The following YARS1 variants were observed in gnomAD, a reference collection of about 807,000 sequenced individuals.
YARS1 encodes the protein tyrosyl-tRNA synthetase 1.
In YARS1, 36 loss-of-function variants were observed where a neutral mutation model predicts 62.2. That is an observed-to-expected ratio of 0.58 (90% CI 0.44 to 0.76). The LOEUF (loss-of-function observed/expected upper bound fraction) is 0.76, where lower values mean the gene tolerates loss of function less well. Ranked by LOEUF, YARS1 falls within the 30% of genes least tolerant of loss-of-function variation. The probability of loss-of-function intolerance (pLI) is 0.00; values close to 1 mark genes in which losing one functional copy is unlikely to be tolerated. For missense variants in YARS1, 524 were observed against 639.8 expected (o/e 0.82, Z 1.95); for synonymous variants, 234 against 244.9 (o/e 0.96, Z 0.42).
At position 32,782,500 on chromosome 1, in the gene YARS1, C is replaced by T. The variant is rs138454151; in HGVS notation, c.946G>A (p.Ala316Thr). 5.2e-5 allele frequency: 84 copies of T among 1,614,032 alleles called. No individual in the cohort carries two copies. The Middle Eastern group carries it at 6.6e-4, about 13-fold the overall frequency. The part of the protein sequence containing the change: ...PGDLKNSVEV[A>T]LNKLLDPIRE... ...ATTGGATCCAGCAACTTGTTCAGTG[C>T]GACTTCAACAGAATTCTTCAGGTCT... The change falls in exon 9 of 13, where the codon GCA becomes ACA. Residue 316 changes from alanine (A) to threonine (T), a missense_variant. Physicochemically the swap from Ala to Thr is moderately conservative, Grantham distance 58. Coordinates refer to ENST00000373477, the MANE Select transcript of YARS1 (RefSeq NM_003680.4).
At chr1:32,784,396 A>G (rs1463473811) in intron 8 of YARS1, among the ~76,000 whole-genome samples, 2 of 151,806 alleles carry the variant, frequency 1.3e-5, no homozygotes, top group East Asian at 3.9e-4. Flanking sequence ...TTTTATTCCT[A>G]TATATGGTAT....
chr1:32,786,234 A>G (rs1467242874), intron 8 of YARS1, 128 bp downstream of exon 8: 16 of 965,822 alleles, frequency 1.7e-5, no homozygotes, highest in Middle Eastern at 4.4e-4. Flanking sequence ...AGATTACCAA[A>G]AGTAGAGCAA....
Position 32,791,213 on chromosome 1 carries a change from C to T in YARS1, c.633G>A (p.Met211Ile). 1 of 1,614,126 alleles carries T rather than the reference C, an allele frequency of 6.2e-7. No homozygotes were observed. Residue 211 changes from methionine to isoleucine, a missense_variant, in exon 6 of 13, where the codon ATG (methionine) becomes ATA (isoleucine). Coordinates refer to ENST00000373477, the MANE Select transcript of YARS1 (RefSeq NM_003680.4). The stretch of plus-strand genomic sequence containing the variant: ...CTGTTAATCCTGGAACCATAGGATT[C>T]ATCAGATGGACCCGTTTTGAATAGC... ...ALGYSKRVHL[M>I]NPMVPGLTGS... is the part of the protein sequence containing the mutation.
rs1178272099 is a variant in YARS1, at chr1:32,776,477, G to A, written c.1477-386C>T. 6.6e-6 allele frequency among the ~76,000 whole-genome samples: 1 copy of A among 152,176 alleles called. No homozygotes were observed. The highest frequency in any genetic ancestry group is 1.5e-5 in the Non-Finnish European group (1 of 68,036). ...ACTCTCTTATATACCAGTAGGGTAA[G>A]GTAAGCTGGCTCAGCTTTTCTAAGA... is the stretch of plus-strand genomic sequence containing the variant. On this transcript the variant is annotated intron_variant, in intron 12 of 12. Coordinates refer to ENST00000373477, the MANE Select transcript of YARS1 (RefSeq NM_003680.4). The surrounding 1 kb of genome is among the most constrained non-coding windows in gnomAD (Gnocchi z 4.0).
chr1:32,781,028 A>G lies in YARS1; in HGVS notation c.1140+20T>C. 3 of 1,610,798 alleles carry G rather than the reference A, an allele frequency of 1.9e-6. No individual in the cohort carries two copies. The highest frequency in any genetic ancestry group is 2.5e-6 in the Non-Finnish European group (3 of 1,176,942). On this transcript the variant is annotated intron_variant, in intron 10 of 12. Transcript: ENST00000373477. ...CCTGACCCCAATCTGCCTCTCTGAG[A>G]TGTGGTGAAAAATGAGTACCTTCTC...
At chr1:32,817,157 C>G (rs752535697) in intron 1 of YARS1, 31 bp downstream of exon 1, 126 of 1,613,648 alleles carry the variant, frequency 7.8e-5, no homozygotes, top group Non-Finnish European at 1.2e-5. Flanking sequence ...TCCTAATCCC[C>G]AACGGCGCAT....
At chr1:32,786,647 T>C (rs1220988513) in intron 7 of YARS1, 200 bp from the exon 8 acceptor site, 9 of 711,106 alleles carry the variant, frequency 1.3e-5, no homozygotes, top group Admixed American at 4.7e-5. Context: ...AGGGGAAGGC[T>C]TGTGGCTTAT....
intron 5 of YARS1, 122 bp from the exon 6 acceptor site, chr1:32,791,376 T>C: frequency 1.2e-6 from 1 of 805,720 alleles, no homozygotes; most frequent in Non-Finnish European, 2.2e-6. Flanking sequence ...CTTTTTATAC[T>C]AAATATGTAG....
intron 4 of YARS1, among the ~76,000 whole-genome samples, chr1:32,803,283 C>CT (rs1223319868): frequency 1.0e-4 from 15 of 143,868 alleles, no homozygotes; most frequent in African/African-American, 4.0e-4. Flanking sequence ...TGGCCTAATT[C>CT]TTCTTTTTTT....
At chr1:32,802,182 C>T (rs1339483716) in intron 4 of YARS1, among the ~76,000 whole-genome samples, 7 of 152,040 alleles carry the variant, frequency 4.6e-5, no homozygotes, top group South Asian at 2.1e-4. Context: ...CTCCTGACCT[C>T]GTGATCCGTC....
At chr1:32,816,766 TCTCTCTTTCCCTTTAAAG>T (rs1282001735) in intron 1 of YARS1, 15 of 188,982 alleles carry the variant, frequency 7.9e-5, no homozygotes, top group East Asian at 5.2e-4. Context: ...AGCCTTCCCT[TCTCTCTTTCCCTTTAAAG>T]CTCCCAGTAT....
intron 4 of YARS1, 87 bp downstream of exon 4, chr1:32,806,395 G>C: frequency 6.2e-7 from 1 of 1,601,964 alleles, no homozygotes; most frequent in South Asian, 1.1e-5. Flanking sequence ...TATCTGCGTA[G>C]TGCAGTAAAG....
chr1:32,804,085 G>A (rs1638378876), intron 4 of YARS1, among the ~76,000 whole-genome samples: 1 of 152,218 alleles, frequency 6.6e-6, no homozygotes, highest in South Asian at 2.1e-4. Flanking sequence ...AGCATCCCAA[G>A]GCAGAAGAAT....
intron 4 of YARS1, among the ~76,000 whole-genome samples, chr1:32,799,122 T>C (rs962433432): frequency 1.6e-4 from 24 of 152,218 alleles, no homozygotes; most frequent in Non-Finnish European, 3.1e-4. Context: ...AAGCTTGGTT[T>C]TGAACAACAT....
At chr1:32,789,774 GA>G (rs1315837191) in intron 6 of YARS1, among the ~76,000 whole-genome samples, 1 of 151,406 alleles carries the variant, frequency 6.6e-6, no homozygotes, top group Non-Finnish European at 1.5e-5. Context: ...ATATTTAGTA[GA>G]GAAGGGGTTT....
chr1:32,800,777 G>A (rs1569753770), intron 4 of YARS1, among the ~76,000 whole-genome samples: 1 of 152,096 alleles, frequency 6.6e-6, no homozygotes, highest in Non-Finnish European at 1.5e-5. Context: ...GTTTCACCAT[G>A]TTAGCCAGGA....
intron 3 of YARS1, among the ~76,000 whole-genome samples, chr1:32,807,457 CCTTTT>C (rs2148615327): frequency 6.6e-6 from 1 of 151,616 alleles, no homozygotes; most frequent in African/African-American, 2.4e-5. Flanking sequence ...TTATGTTTTT[CCTTTT>C]ATTTTTTTTT....
chr1:32,785,405 G>A (rs1356179189), intron 8 of YARS1, among the ~76,000 whole-genome samples: 2 of 150,648 alleles, frequency 1.3e-5, no homozygotes, highest in African/African-American at 2.4e-5. Flanking sequence ...AGGTTGCAGT[G>A]AGCCGAGATC....
intron 1 of YARS1, among the ~76,000 whole-genome samples, chr1:32,812,913 A>G (rs1017738166): frequency 2.0e-5 from 3 of 148,450 alleles, no homozygotes; most frequent in Admixed American, 6.9e-5. Flanking sequence ...GGTTGCAGTG[A>G]GCCAATATTG....
Sources: allele counts gnomAD v4.1 joint callset (sites outside exome capture counted in the v4.1 genomes callset), GRCh38; gene constraint gnomAD v4.1.1; non-coding constraint Gnocchi (gnomAD v3.1); transcripts MANE v1.5; gene names NCBI Gene and HGNC (gene_info 2026-07-23, HGNC 2026-07-21).